R3HDM2: variants seen among roughly 807,000 people sequenced by gnomAD.
R3HDM2 encodes the protein R3H domain containing 2.
A neutral mutation model predicts 124.5 loss-of-function variants in R3HDM2; 38 were observed. The ratio of observed to expected loss-of-function variants is 0.31; its 90% confidence interval spans 0.24 to 0.40. The LOEUF is 0.40. R3HDM2 is among the 10% of genes least tolerant of loss of function. The probability of loss-of-function intolerance (pLI) is 1.00; values close to 1 mark genes in which losing one functional copy is unlikely to be tolerated. For missense variants in R3HDM2, 869 were observed against 1,236.9 expected, an observed-to-expected ratio of 0.70 and a Z score of 4.46; for synonymous variants, 391 against 448.0, an observed-to-expected ratio of 0.87 and a Z score of 1.61.
chr12:57,394,859 A>C (rs1003020250), intron 2 of R3HDM2, among the ~76,000 whole-genome samples: 1 of 152,232 alleles, frequency 6.6e-6, no homozygotes, highest in African/African-American at 2.4e-5. Flanking sequence ...TATTTAACTT[A>C]TATGGATATT....
chr12:57,263,024 C>A (rs935210900), intron 19 of R3HDM2, among the ~76,000 whole-genome samples: 5 of 152,192 alleles, frequency 3.3e-5, no homozygotes, highest in African/African-American at 9.7e-5. Context: ...TTTCTTCTAA[C>A]CCTGGTCCAG....
intron 3 of R3HDM2, among the ~76,000 whole-genome samples, chr12:57,308,047 A>ATT (rs762491267): frequency 4.5e-5 from 6 of 134,732 alleles, no homozygotes; most frequent in South Asian, 2.4e-4. Context: ...TTCCAGGTGA[A>ATT]TTTTTTTTTT....
chr12:57,272,837 C>G (rs1003216088), intron 14 of R3HDM2, among the ~76,000 whole-genome samples: 1 of 152,174 alleles, frequency 6.6e-6, no homozygotes, highest in Non-Finnish European at 1.5e-5. Context: ...ATTCAGAACT[C>G]TGCAGCTGTT....
chr12:57,352,914 A>G (rs1342600857), intron 2 of R3HDM2, among the ~76,000 whole-genome samples: 3 of 152,184 alleles, frequency 2.0e-5, no homozygotes, highest in Non-Finnish European at 4.4e-5. Context: ...ATACGGTACC[A>G]GATGTGTTGG....
At chr12:57,414,759 G>T (rs1212006414) in intron 1 of R3HDM2, among the ~76,000 whole-genome samples, 1 of 151,578 alleles carries the variant, frequency 6.6e-6, no homozygotes, top group East Asian at 1.9e-4. Flanking sequence ...CTTGTACCCA[G>T]TAGGAGGAGG....
intron 2 of R3HDM2, among the ~76,000 whole-genome samples, chr12:57,325,088 T>C (rs1359746224): frequency 6.6e-6 from 1 of 152,214 alleles, no homozygotes. Flanking sequence ...CTTGGGCTTC[T>C]AGCCTACAAA....
intron 4 of R3HDM2, among the ~76,000 whole-genome samples, chr12:57,301,813 C>A (rs1321967589): frequency 6.6e-6 from 1 of 152,322 alleles, no homozygotes; most frequent in South Asian, 2.1e-4. Context: ...GGTGGCAATT[C>A]TTCCCAATGC....
At chr12:57,387,424 C>G (rs564830994) in intron 2 of R3HDM2, among the ~76,000 whole-genome samples, 2 of 152,300 alleles carry the variant, frequency 1.3e-5, no homozygotes, top group East Asian at 3.9e-4. Flanking sequence ...AACTGTGACA[C>G]TCACCGCAAG....
intron 13 of R3HDM2, 82 bp from the exon 14 acceptor site, chr12:57,280,612 T>A (rs2045896699): frequency 7.7e-7 from 1 of 1,293,478 alleles, no homozygotes; most frequent in East Asian, 2.6e-5. Context: ...CAGAGGGCTC[T>A]ACTTTTTCTT....
intron 1 of R3HDM2, among the ~76,000 whole-genome samples, chr12:57,406,521 C>T (rs193165545): frequency 2.8e-4 from 43 of 151,992 alleles, no homozygotes; most frequent in Admixed American, 2.5e-3. Flanking sequence ...ACAAATTGTA[C>T]CTCAGAGTAA....
intron 2 of R3HDM2, among the ~76,000 whole-genome samples, chr12:57,329,442 G>A (rs1387686402): frequency 6.6e-6 from 1 of 152,158 alleles, no homozygotes; most frequent in Non-Finnish European, 1.5e-5. Flanking sequence ...CTGTAGGATA[G>A]GCATGATACA....
Position 57,254,501 on chromosome 12 carries a change from CAAAAAAAAAAAA to C in R3HDM2, c.*260_*271del, listed in dbSNP as rs67514723. On this transcript the variant is annotated 3_prime_UTR_variant, in exon 24 of 24. Coordinates refer to ENST00000402412, the MANE Select transcript of R3HDM2 (RefSeq NM_001394031.1). ...GGGTGACAAGAGCGAAACTCCGTCT[CAAAAAAAAAAAA>C]AAAAAAAAAAAGAAGAGGATGGGAA... The C allele has an allele frequency of 1.3e-4, 13 of 102,036 alleles. No homozygotes were observed. Among genetic ancestry groups the C allele is most frequent in the Middle Eastern group, 4.2e-3 (1 of 236 alleles). The allele number at this position is 102,036 out of a possible 1,614,324, so 6.3% of individuals were successfully genotyped here.
intron 1 of R3HDM2, among the ~76,000 whole-genome samples, chr12:57,397,116 A>G (rs1369244342): frequency 6.6e-6 from 1 of 152,172 alleles, no homozygotes; most frequent in African/African-American, 2.4e-5. Flanking sequence ...AAAATTGTCT[A>G]GAACTGAGCA....
rs1670646193 is a variant in R3HDM2, at chr12:57,296,505, G to A, written c.607C>T (p.Leu203=). Residue 203 remains leucine, a synonymous_variant, in exon 9 of 24, where the codon CTA becomes TTA. Coordinates refer to ENST00000402412, the MANE Select transcript of R3HDM2 (RefSeq NM_001394031.1). The surrounding 1 kb of genome is among the most constrained non-coding windows in gnomAD (Gnocchi z 4.5). Reference sequence around the variant, plus strand: ...AAATAGGCAGCTACCCGGTGTAATAGCATCCGGTGATATGAGGTCATCTGA... The same window carrying A: ...AAATAGGCAGCTACCCGGTGTAATAACATCCGGTGATATGAGGTCATCTGA... The part of the protein sequence containing the change: ...FPQMTSYHRM[L]LHRVAAYFGM... The A allele has an allele frequency of 6.4e-7, 1 of 1,551,944 alleles. No individual in the cohort carries two copies. Among genetic ancestry groups the A allele is most frequent in the Non-Finnish European group, 8.7e-7 (1 of 1,146,960 alleles).
At chr12:57,425,578 T>G (rs1190927740) in intron 1 of R3HDM2, among the ~76,000 whole-genome samples, 5 of 151,946 alleles carry the variant, frequency 3.3e-5, no homozygotes, top group Non-Finnish European at 5.9e-5. Flanking sequence ...GGCAGGCGAA[T>G]CACCTGAGGT....
intron 1 of R3HDM2, chr12:57,430,472 G>T: frequency 2.1e-6 from 2 of 953,372 alleles, no homozygotes; most frequent in East Asian, 1.2e-4. Flanking sequence ...AAAGGCCACA[G>T]GTGGCGCCAC....
At chr12:57,270,243 GAC>G (rs1395431251) in intron 14 of R3HDM2, among the ~76,000 whole-genome samples, 1 of 151,984 alleles carries the variant, frequency 6.6e-6, no homozygotes, top group Non-Finnish European at 1.5e-5. Flanking sequence ...GTTTTTTTGA[GAC>G]ACAGTCTCAT....
intron 2 of R3HDM2, among the ~76,000 whole-genome samples, chr12:57,394,652 A>AACTGATATGATAGT (rs2067225811): frequency 6.6e-6 from 1 of 152,214 alleles, no homozygotes; most frequent in African/African-American, 2.4e-5. Context: ...GCCACTCAAT[A>AACTGATATGATAGT]ACTGATATGA....
chr12:57,289,388 C>T (rs2048115150), intron 11 of R3HDM2, among the ~76,000 whole-genome samples: 3 of 152,094 alleles, frequency 2.0e-5, no homozygotes, highest in Admixed American at 2.0e-4. Flanking sequence ...TAACTGATGT[C>T]CTTGGTCCTA....
Sources: allele counts gnomAD v4.1 joint callset (sites outside exome capture counted in the v4.1 genomes callset), GRCh38; gene constraint gnomAD v4.1.1; non-coding constraint Gnocchi (gnomAD v3.1); transcripts MANE v1.5; gene names NCBI Gene and HGNC (gene_info 2026-07-23, HGNC 2026-07-21).